Variants in SNRPN observed in about 807,000 individuals in gnomAD.
The protein encoded by SNRPN is small nuclear ribonucleoprotein polypeptide N.
Under a neutral mutation model 25.2 loss-of-function variants are expected in SNRPN, and 7 were observed. The ratio of observed to expected loss-of-function variants is 0.28; its 90% CI spans 0.16 to 0.52. SNRPN has a LOEUF of 0.52. Among genes scored for constraint, SNRPN ranks in the 20% least tolerant of loss-of-function variants. The pLI, the probability that SNRPN is intolerant of heterozygous loss-of-function variation, is 0.96. For synonymous variants in SNRPN, 124 were observed against 110.6 expected, an observed-to-expected ratio of 1.12 and a Z score of -0.76; for missense variants, 196 against 322.5, an observed-to-expected ratio of 0.61 and a Z score of 3.00.
intron 1 of SNRPN, among the ~76,000 whole-genome samples, chr15:24,868,589 G>A (rs779504244): frequency 6.4e-4 from 98 of 152,210 alleles, no homozygotes; most frequent in Admixed American, 3.7e-3. Flanking sequence ...GTGTTCACCA[G>A]CAGGTGGGAA....
At chr15:24,926,103 G>A (rs2060361191) in intron 3 of SNRPN, among the ~76,000 whole-genome samples, 2 of 152,024 alleles carry the variant, frequency 1.3e-5, no homozygotes, top group Admixed American at 1.3e-4. Context: ...CAAACTCCTG[G>A]CATCAAGCAG....
At chr15:24,892,409 G>T (rs559085260) in intron 2 of SNRPN, among the ~76,000 whole-genome samples, 1 of 152,236 alleles carries the variant, frequency 6.6e-6, no homozygotes, top group African/African-American at 2.4e-5. Flanking sequence ...GAAAGAGGGG[G>T]AAGGAAGAGG....
intron 2 of SNRPN, chr15:24,848,745 A>C (rs1228584351): frequency 6.6e-6 from 1 of 152,060 alleles, no homozygotes; most frequent in Admixed American, 6.5e-5. Flanking sequence ...CTCTATTTTT[A>C]ACTCTTCCAC....
At chr15:24,849,680 G>A (rs1049949496) in intron 2 of SNRPN, 1 of 152,166 alleles carries the variant, frequency 6.6e-6, no homozygotes, top group African/African-American at 2.4e-5. Flanking sequence ...CTGTTACTAG[G>A]ACCCAGATTT....
chr15:24,910,644 G>A (rs1388171408), intron 2 of SNRPN, among the ~76,000 whole-genome samples: 2 of 151,908 alleles, frequency 1.3e-5, no homozygotes, highest in African/African-American at 2.4e-5. Context: ...ACAGGCGCCC[G>A]CCACCACACC....
chr15:24,836,250 C>T lies in SNRPN; in HGVS notation c.-579+6345C>T, dbSNP rs115070877. Among the ~76,000 whole-genome samples the T allele has an allele frequency of 7.0e-3, 1,066 of 152,080 alleles. 17 individuals carry two copies. Among genetic ancestry groups the T allele is most frequent in the African/African-American group, 0.025 (1,017 of 41,418 alleles). ...GGCCCACCTTAATGACCTCATTTAC[C>T]TTAATCATCTAATAGAAGGCCCTAT... On this transcript the variant is annotated intron_variant, in intron 2 of 12. Coordinates refer to the SNRPN transcript ENST00000400100.
rs757200665 is a variant in SNRPN, at chr15:24,967,984, T to C, written c.-242T>C. 5.1e-5 allele frequency: 82 copies of C among 1,614,016 alleles called. No homozygotes were observed. Among genetic ancestry groups the C allele is most frequent in the Non-Finnish European group, 6.4e-5 (75 of 1,180,026 alleles). ...GCAGCAGCAAGTACCTGTGGTGGAT[T>C]TCCAGGCTGAACTGAGGCAGGCATT... On this transcript the variant is annotated 5_prime_UTR_variant, in exon 3 of 10. Coordinates refer to ENST00000390687, the MANE Select transcript of SNRPN (RefSeq NM_003097.6).
intron 3 of SNRPN, among the ~76,000 whole-genome samples, chr15:24,970,228 C>A (rs1439905523): frequency 6.6e-6 from 1 of 152,098 alleles, no homozygotes; most frequent in African/African-American, 2.4e-5. Context: ...TTAAACACTT[C>A]GTACCCGTTT....
intron 2 of SNRPN, among the ~76,000 whole-genome samples, chr15:24,889,376 C>T (rs1358902794): frequency 6.6e-6 from 1 of 152,084 alleles, no homozygotes; most frequent in Non-Finnish European, 1.5e-5. Context: ...GATCTCCGCT[C>T]ACTGCAAGCT....
intron 2 of SNRPN, among the ~76,000 whole-genome samples, chr15:24,896,302 A>G (rs1045581532): frequency 6.6e-6 from 1 of 152,216 alleles, no homozygotes; most frequent in Admixed American, 6.5e-5. Context: ...GGGTGTGGGA[A>G]GAACCTGCCA....
chr15:24,878,406 G>A (rs1040702959), intron 1 of SNRPN, among the ~76,000 whole-genome samples: 2 of 152,218 alleles, frequency 1.3e-5, no homozygotes, highest in East Asian at 1.9e-4. Context: ...GCAGCCCGCA[G>A]GGGCCGATCT....
At chr15:24,955,679 T>C (rs2062725511) in intron 1 of SNRPN, among the ~76,000 whole-genome samples, 1 of 57,846 alleles carries the variant, frequency 1.7e-5, no homozygotes, top group Admixed American at 2.1e-4. Flanking sequence ...GGTGTGACAG[T>C]GGTGGGGGTT....
chr15:24,881,921 G>A (rs1020684380), intron 1 of SNRPN, among the ~76,000 whole-genome samples: 11 of 152,080 alleles, frequency 7.2e-5, no homozygotes, highest in African/African-American at 1.4e-4. Context: ...GCAAAAGAGC[G>A]CTAGAGGCGG....
At chr15:24,922,208 C>A (rs115057493) in intron 3 of SNRPN, among the ~76,000 whole-genome samples, 1 of 151,974 alleles carries the variant, frequency 6.6e-6, no homozygotes, top group Non-Finnish European at 1.5e-5. Context: ...AGCAAAACTC[C>A]GTCTCAAAAA....
At chr15:24,918,395 T>C (rs1220961603) in intron 2 of SNRPN, among the ~76,000 whole-genome samples, 12 of 91,648 alleles carry the variant, frequency 1.3e-4, no homozygotes, top group Non-Finnish European at 2.4e-4. Context: ...TATATATGTG[T>C]ATATATATAA....
rs541801123 is a variant in SNRPN, at chr15:24,944,071, C to G, written c.-390-18043C>G. ...TCCTGACCTCAAGTGATCTATCTGCCTCAGCCTCCCAGAGTGCTGGGATTA... is the reference window on the plus strand; with the variant it reads ...TCCTGACCTCAAGTGATCTATCTGCGTCAGCCTCCCAGAGTGCTGGGATTA... On this transcript the variant is annotated intron_variant, in intron 3 of 11. Coordinates refer to the SNRPN transcript ENST00000400097. Among the ~76,000 whole-genome samples, 5 of 152,192 alleles carry G rather than the reference C, an allele frequency of 3.3e-5. No individual in the cohort carries two copies. In the South Asian group the frequency reaches 1.0e-3, roughly 32 times the overall value.
At chr15:24,921,781 T>C (rs2060034108) in intron 3 of SNRPN, among the ~76,000 whole-genome samples, 1 of 152,216 alleles carries the variant, frequency 6.6e-6, no homozygotes, top group Non-Finnish European at 1.5e-5. Context: ...TCTAGTATTG[T>C]TGCGAATTAA....
At chr15:24,943,825 AT>A (rs749738130) in intron 3 of SNRPN, among the ~76,000 whole-genome samples, 46 of 151,228 alleles carry the variant, frequency 3.0e-4, no homozygotes, top group Non-Finnish European at 6.3e-4. Context: ...TTTTTTTTTA[AT>A]TTTTTTATTT....
intron 1 of SNRPN, among the ~76,000 whole-genome samples, chr15:24,955,384 G>A (rs193021746): frequency 1.6e-4 from 24 of 152,140 alleles, no homozygotes; most frequent in Admixed American, 1.5e-3. Context: ...CAGTGGGCAA[G>A]GGACATGGGT....
Sources: allele counts gnomAD v4.1 joint callset (sites outside exome capture counted in the v4.1 genomes callset), GRCh38; gene constraint gnomAD v4.1.1; transcripts MANE v1.5; gene names NCBI Gene and HGNC (gene_info 2026-07-23, HGNC 2026-07-21).